Variants in LINGO2 observed in about 807,000 individuals in gnomAD.
The protein encoded by LINGO2 is leucine-rich repeat and immunoglobulin-like domain-containing nogo receptor-interacting protein 2.
LINGO2 carries 14 observed loss-of-function variants against 30.6 expected under a neutral mutation model. That is an observed-to-expected ratio of 0.46 (90% CI 0.30 to 0.72). The LOEUF is 0.72. Ranked by LOEUF, LINGO2 falls within the 30% of genes least tolerant of loss-of-function variation. LINGO2 has a pLI of 0.07. For synonymous variants in LINGO2, 317 were observed against 288.5 expected (o/e 1.10, Z -1.00); for missense variants, 729 against 751.7 (o/e 0.97, Z 0.35).
intron 1 of LINGO2, among the ~76,000 whole-genome samples, chr9:28,507,887 C>T (rs770809068): frequency 4.6e-5 from 7 of 151,820 alleles, no homozygotes; most frequent in Non-Finnish European, 1.0e-4. Flanking sequence ...AAAAATTTCA[C>T]TTAGGTATTA....
the LINGO2 span, among the ~76,000 whole-genome samples, chr9:28,907,589 C>T: frequency 6.6e-6 from 1 of 151,522 alleles, no homozygotes; most frequent in African/African-American, 2.4e-5. Flanking sequence ...TTAATAAGAC[C>T]ACTCTGAAAG....
intron 2 of LINGO2, among the ~76,000 whole-genome samples, chr9:28,418,742 C>G (rs749780676): frequency 2.2e-4 from 33 of 151,996 alleles, no homozygotes; most frequent in Non-Finnish European, 2.6e-4. Context: ...AGGCTGCAGC[C>G]TCTTGATTAT....
the LINGO2 span, among the ~76,000 whole-genome samples, chr9:29,120,915 T>C: frequency 2.8e-4 from 43 of 152,272 alleles, no homozygotes; most frequent in African/African-American, 9.6e-4. Flanking sequence ...TGGTGTATAA[T>C]AAGTGGTCAG....
the LINGO2 span, among the ~76,000 whole-genome samples, chr9:29,055,936 G>GTATATATATATATATATATACATA: frequency 8.2e-6 from 1 of 121,862 alleles, no homozygotes; most frequent in African/African-American, 3.2e-5. Context: ...GTGTATGTGT[G>GTATATATATATATATATATACATA]TGTGTATATA....
chr9:28,111,904 T>C (rs998437055), intron 4 of LINGO2, among the ~76,000 whole-genome samples: 6 of 151,906 alleles, frequency 3.9e-5, no homozygotes, highest in African/African-American at 1.5e-4. Context: ...TGTTTATTTA[T>C]TTATTTATTT....
intron 1 of LINGO2, among the ~76,000 whole-genome samples, chr9:28,569,101 A>G (rs1823542867): frequency 6.6e-6 from 1 of 152,020 alleles, no homozygotes; most frequent in African/African-American, 2.4e-5. Flanking sequence ...CCTCCCATCT[A>G]TTAGAATGGC....
intron 4 of LINGO2, among the ~76,000 whole-genome samples, chr9:28,227,346 T>G (rs1821205541): frequency 1.3e-5 from 2 of 152,064 alleles, no homozygotes; most frequent in Non-Finnish European, 2.9e-5. Context: ...ATAGAGCAGC[T>G]GCTCAAGGAA....
At chr9:28,306,558 A>G (rs1824366216) in intron 3 of LINGO2, among the ~76,000 whole-genome samples, 1 of 152,126 alleles carries the variant, frequency 6.6e-6, no homozygotes, top group South Asian at 2.1e-4. Flanking sequence ...AGCTAGCAGA[A>G]GGCAAGAAAT....
chr9:28,870,199 A>G, the LINGO2 span, among the ~76,000 whole-genome samples: 39 of 152,004 alleles, frequency 2.6e-4, no homozygotes, highest in African/African-American at 8.7e-4. Context: ...TAAATACCTC[A>G]TTTTCGAGGC....
the LINGO2 span, among the ~76,000 whole-genome samples, chr9:28,813,378 T>C: frequency 6.6e-6 from 1 of 152,200 alleles, no homozygotes; most frequent in East Asian, 1.9e-4. Flanking sequence ...ATTATAACAA[T>C]ATACTGTAGT....
chr9:28,617,857 C>T (rs759952150), intron 1 of LINGO2, among the ~76,000 whole-genome samples: 1 of 151,966 alleles, frequency 6.6e-6, no homozygotes, highest in African/African-American at 2.4e-5. Context: ...TATGTCTTTC[C>T]CCTTTACACA....
chr9:28,337,366 A>G (rs1217205642), intron 3 of LINGO2, among the ~76,000 whole-genome samples: 1 of 152,198 alleles, frequency 6.6e-6, no homozygotes, highest in East Asian at 1.9e-4. Context: ...AAATCATTCA[A>G]CAGGAAGCAG....
At chr9:28,774,079 C>T in the LINGO2 span, among the ~76,000 whole-genome samples, 1 of 144,636 alleles carries the variant, frequency 6.9e-6, no homozygotes, top group African/African-American at 2.6e-5. Context: ...CACACACACA[C>T]ACACTTACTT....
At chr9:28,842,390 A>G in the LINGO2 span, among the ~76,000 whole-genome samples, 1 of 151,934 alleles carries the variant, frequency 6.6e-6, no homozygotes, top group African/African-American at 2.4e-5. Context: ...ACACTGTGCA[A>G]CAAGGTTTCT....
chr9:27,982,757 T>A (rs1051241371), intron 5 of LINGO2, among the ~76,000 whole-genome samples: 2 of 151,868 alleles, frequency 1.3e-5, no homozygotes, highest in Non-Finnish European at 2.9e-5. Context: ...ATCTTAGCTA[T>A]AGCTTTGTGA....
chr9:28,632,893 G>T (rs1215048101), intron 1 of LINGO2, among the ~76,000 whole-genome samples: 36 of 136,784 alleles, frequency 2.6e-4, no homozygotes, highest in African/African-American at 4.6e-4. Context: ...GAGAGAGAGA[G>T]AGAGAGAGAG....
Position 28,618,807 on chromosome 9 carries a change from C to T in LINGO2, c.-365+51393G>A, listed in dbSNP as rs145275709. ...GTATTATTGCTTTTTGTTTTATTTACTTCTATACTTTCTGTATCTGGCACA... is the reference window on the plus strand; with the variant it reads ...GTATTATTGCTTTTTGTTTTATTTATTTCTATACTTTCTGTATCTGGCACA... On this transcript the variant is annotated intron_variant, in intron 1 of 5. Transcript: ENST00000379992. Among the ~76,000 whole-genome samples the T allele has an allele frequency of 4.8e-3, 724 of 152,160 alleles. 6 individuals are homozygous for T. The highest frequency in any genetic ancestry group is 7.6e-3 in the Non-Finnish European group (515 of 68,002).
the LINGO2 span, among the ~76,000 whole-genome samples, chr9:29,050,060 G>C: frequency 1.3e-5 from 2 of 150,918 alleles, no homozygotes; most frequent in African/African-American, 2.4e-5. Flanking sequence ...CAGTATTGCT[G>C]TGTCACCCAG....
the LINGO2 span, among the ~76,000 whole-genome samples, chr9:28,833,941 T>C: frequency 6.6e-6 from 1 of 152,140 alleles, no homozygotes; most frequent in African/African-American, 2.4e-5. Context: ...ATAGATTGCA[T>C]GTCATAATTT....
Sources: gnomAD v4.1 joint callset for allele counts (sites outside exome capture counted in the v4.1 genomes callset) on GRCh38, gnomAD v4.1.1 for gene constraint, MANE v1.5 for transcripts, NCBI Gene and HGNC (gene_info 2026-07-23, HGNC 2026-07-21) for gene names.